Variants in CLASP2 observed in about 807,000 individuals in gnomAD.
CLASP2 encodes the protein cytoplasmic linker associated protein 2.
In CLASP2, 47 loss-of-function variants were observed where a neutral mutation model predicts 194.4. The ratio of observed to expected loss-of-function variants is 0.24; its 90% CI spans 0.19 to 0.31. The LOEUF (loss-of-function observed/expected upper bound fraction) is 0.31. Among genes scored for constraint, CLASP2 ranks in the 10% least tolerant of loss-of-function variants. The probability of loss-of-function intolerance (pLI) is 1.00; values close to 1 mark genes in which losing one functional copy is unlikely to be tolerated. For missense variants in CLASP2, 1,445 were observed against 1,823.6 expected (o/e 0.79, Z 3.78); for synonymous variants, 619 against 633.5 (o/e 0.98, Z 0.34).
Position 33,530,615 on chromosome 3 carries a change from C to T in CLASP2, c.3787+4618G>A, listed in dbSNP as rs115006203. On this transcript the variant is annotated intron_variant, in intron 34 of 38. Coordinates refer to ENST00000682230, the MANE Select transcript of CLASP2 (RefSeq NM_001365631.1). ...TTGTTTACACCAGCATTATCACAAA[C>T]GTGTAATGCATTGCACTATGATGGT... Among the ~76,000 whole-genome samples, 460 of 152,290 alleles carry T rather than the reference C, an allele frequency of 3.0e-3. 2 individuals carry two copies. Among genetic ancestry groups the T allele is most frequent in the African/African-American group, 0.01 (434 of 41,562 alleles).
At chr3:33,654,185 A>G (rs774216058) in intron 7 of CLASP2, among the ~76,000 whole-genome samples, 34 of 152,320 alleles carry the variant, frequency 2.2e-4, no homozygotes, top group Middle Eastern at 3.4e-3. Context: ...GCCAGAAAGT[A>G]CAGGGATGAG....
intron 29 of CLASP2, among the ~76,000 whole-genome samples, chr3:33,556,904 T>C (rs778593699): frequency 6.6e-6 from 1 of 152,190 alleles, no homozygotes; most frequent in Non-Finnish European, 1.5e-5. Flanking sequence ...CATTTCAATC[T>C]TCGCTTTGTC....
At chr3:33,618,514 G>C (rs1306099794) in intron 12 of CLASP2, among the ~76,000 whole-genome samples, 1 of 145,924 alleles carries the variant, frequency 6.9e-6, no homozygotes, top group Admixed American at 7.1e-5. Context: ...CAGGCATGGT[G>C]GTGGGTGCCT....
At chr3:33,563,122 G>A (rs980753709) in intron 27 of CLASP2, among the ~76,000 whole-genome samples, 4 of 151,910 alleles carry the variant, frequency 2.6e-5, no homozygotes, top group Non-Finnish European at 4.4e-5. Flanking sequence ...ATTCTCTACC[G>A]AAATCCTTTG....
chr3:33,659,074 G>C (rs569058403), intron 7 of CLASP2: 1 of 1,521,626 alleles, frequency 6.6e-7, no homozygotes, highest in Non-Finnish European at 8.8e-7. Context: ...CACTGGGCTC[G>C]GCCTGCAGCC....
At chr3:33,669,644 T>C (rs994138762) in intron 6 of CLASP2, among the ~76,000 whole-genome samples, 2 of 150,882 alleles carry the variant, frequency 1.3e-5, no homozygotes, top group African/African-American at 4.9e-5. Context: ...GACATCCAAA[T>C]GGCTGATAAA....
chr3:33,584,549 A>G (rs1345462292), intron 22 of CLASP2, among the ~76,000 whole-genome samples: 1 of 151,894 alleles, frequency 6.6e-6, no homozygotes, highest in Non-Finnish European at 1.5e-5. Flanking sequence ...TACAGGCATG[A>G]GCCACTGTGC....
intron 20 of CLASP2, among the ~76,000 whole-genome samples, chr3:33,593,639 T>C (rs975661458): frequency 1.3e-5 from 2 of 152,190 alleles, no homozygotes; most frequent in African/African-American, 4.8e-5. Flanking sequence ...AATGAGCCCA[T>C]GGTTCAGGCC....
At chr3:33,577,507 A>C (rs1053193081) in intron 23 of CLASP2, among the ~76,000 whole-genome samples, 6 of 152,202 alleles carry the variant, frequency 3.9e-5, no homozygotes, top group African/African-American at 1.4e-4. Context: ...TTCAAATGGA[A>C]GGAAATGTTG....
At chr3:33,605,465 A>C (rs2073570134) in intron 16 of CLASP2, among the ~76,000 whole-genome samples, 1 of 152,204 alleles carries the variant, frequency 6.6e-6, no homozygotes, top group Admixed American at 6.5e-5. Context: ...TAAGCAACTG[A>C]ACTTTAGTAC....
rs71070140 is a variant in CLASP2 at position 33,512,557 on chromosome 3, TAAAAAAAAAAA to T, written c.4111-1804_4111-1794del. ...ATGTACCCTAAAACTTAGAGTATAA[TAAAAAAAAAAA>T]AAAAAAAAAAAAAAAAAGAACACGT... On this transcript the variant is annotated intron_variant, in intron 36 of 38. Transcript: ENST00000682230. Among the ~76,000 whole-genome samples the T allele has an allele frequency of 8.8e-4, 11 of 12,478 alleles. 1 individual carries two copies. The highest frequency in any genetic ancestry group is 1.5e-3 in the African/African-American group (4 of 2,708). The allele number at this position is 12,478 out of a possible 152,430, so 8.2% of individuals were successfully genotyped here. A position where few individuals can be genotyped will look rare whatever the true frequency, so the allele number is the denominator to read the frequency against.
chr3:33,560,865 C>T lies in CLASP2; in HGVS notation c.2873G>A (p.Gly958Asp). Reference protein sequence around the residue: ...VLLTQLLKKMGADLLGSVQAK... With the variant: ...VLLTQLLKKMDADLLGSVQAK... ...CTGAACAGATCCAAGCAAATCAGCA[C>T]CCATTTTTTTTAGTAGTTGTGTCAG... The change falls in exon 28 of 39, where the codon GGT (glycine) becomes GAT (aspartate). Residue 958 changes from glycine (G) to aspartate (D), a missense_variant. Coordinates refer to ENST00000682230, the MANE Select transcript of CLASP2 (RefSeq NM_001365631.1). The T allele has an allele frequency of 6.2e-6, 10 of 1,613,918 alleles. No individual in the cohort carries two copies. The highest frequency in any genetic ancestry group is 1.1e-5 in the South Asian group (1 of 91,084).
chr3:33,705,205 T>C (rs188102078), intron 1 of CLASP2, among the ~76,000 whole-genome samples: 148 of 152,326 alleles, frequency 9.7e-4, no homozygotes, highest in African/African-American at 3.5e-3. Context: ...CAACAGAATT[T>C]TACTCATCCA....
At chr3:33,673,172 A>C (rs2087723623) in intron 6 of CLASP2, among the ~76,000 whole-genome samples, 1 of 152,230 alleles carries the variant, frequency 6.6e-6, no homozygotes, top group African/African-American at 2.4e-5. Flanking sequence ...GAAGGAAAAA[A>C]TGTTAAGGGC....
At chr3:33,572,009 A>G (rs139174193) in intron 25 of CLASP2, among the ~76,000 whole-genome samples, 1 of 152,344 alleles carries the variant, frequency 6.6e-6, no homozygotes, top group Non-Finnish European at 1.5e-5. Context: ...GAAATTTTAC[A>G]TATGGCATTC....
chr3:33,504,341 T>C (rs2047569500), intron 37 of CLASP2: 1 of 152,256 alleles, frequency 6.6e-6, no homozygotes, highest in African/African-American at 2.4e-5. Context: ...TTTAGATCAC[T>C]GATTTGTTTG....
At chr3:33,550,347 A>G (rs2059805799) in intron 30 of CLASP2, among the ~76,000 whole-genome samples, 1 of 146,876 alleles carries the variant, frequency 6.8e-6, no homozygotes, top group South Asian at 2.2e-4. Flanking sequence ...GTGAGCCAGT[A>G]TCATGCCACT....
chr3:33,588,779 A>T (rs781298349), intron 21 of CLASP2: 45 of 700,356 alleles, frequency 6.4e-5, no homozygotes, highest in Non-Finnish European at 9.1e-5. Context: ...TAATCCATGA[A>T]GAGGGAAGGA....
intron 37 of CLASP2, among the ~76,000 whole-genome samples, chr3:33,506,101 G>A (rs2048097120): frequency 6.6e-6 from 1 of 151,682 alleles, no homozygotes; most frequent in African/African-American, 2.4e-5. Context: ...TAGGCCAGGT[G>A]CAGTGGCTCA....
Sources: gnomAD v4.1 joint callset for allele counts (sites outside exome capture counted in the v4.1 genomes callset) on GRCh38, gnomAD v4.1.1 for gene constraint, MANE v1.5 for transcripts, NCBI Gene and HGNC (gene_info 2026-07-23, HGNC 2026-07-21) for gene names.